MARCHF1: variants seen among roughly 807,000 people sequenced by gnomAD.
MARCHF1 encodes membrane associated ring-CH-type finger 1, also known as E3 ubiquitin-protein ligase MARCHF1.
Under a neutral mutation model 54.2 loss-of-function variants are expected in MARCHF1, and 40 were observed. The ratio of observed to expected loss-of-function variants is 0.74; its 90% confidence interval spans 0.57 to 0.96. The LOEUF is 0.96. Among genes scored for constraint, MARCHF1 ranks in the 40% least tolerant of loss-of-function variants. The pLI is 0.00. For synonymous variants in MARCHF1, 236 were observed against 236.3 expected, an observed-to-expected ratio of 1.00 and a Z score of 0.01; for missense variants, 586 against 656.5, an observed-to-expected ratio of 0.89 and a Z score of 1.17.
chr4:163,921,974 G>A (rs1266973081), intron 3 of MARCHF1, among the ~76,000 whole-genome samples: 1 of 152,030 alleles, frequency 6.6e-6, no homozygotes, highest in African/African-American at 2.4e-5. Context: ...CAACCCAAAT[G>A]TCCAACAATG....
chr4:163,558,581 G>GC (rs1299549488), intron 8 of MARCHF1, among the ~76,000 whole-genome samples: 1 of 152,212 alleles, frequency 6.6e-6, no homozygotes, highest in Non-Finnish European at 1.5e-5. Context: ...CTGAGGGACA[G>GC]CCCGTATAGA....
chr4:163,601,220 T>C (rs1287594765), intron 7 of MARCHF1, among the ~76,000 whole-genome samples: 1 of 152,320 alleles, frequency 6.6e-6, no homozygotes, highest in East Asian at 1.9e-4. Context: ...ATCTTCAAGC[T>C]ATATATAAAT....
intron 7 of MARCHF1, among the ~76,000 whole-genome samples, chr4:163,596,085 T>C (rs1217045699): frequency 6.6e-6 from 1 of 151,858 alleles, no homozygotes; most frequent in Non-Finnish European, 1.5e-5. Flanking sequence ...AGTGTGAGAA[T>C]GAAATGGAAA....
intron 4 of MARCHF1, among the ~76,000 whole-genome samples, chr4:163,818,122 A>T (rs1031270308): frequency 2.6e-5 from 4 of 152,046 alleles, no homozygotes; most frequent in Non-Finnish European, 4.4e-5. Context: ...AAAAAAAAGA[A>T]AGCCACTTAG....
At chr4:164,252,837 G>C (rs968629293) in intron 1 of MARCHF1, among the ~76,000 whole-genome samples, 5 of 152,134 alleles carry the variant, frequency 3.3e-5, no homozygotes, top group Admixed American at 1.3e-4. Flanking sequence ...GCAGTGGACA[G>C]TGATGAGGAA....
intron 1 of MARCHF1, among the ~76,000 whole-genome samples, chr4:164,328,186 A>G (rs1222237110): frequency 1.3e-5 from 2 of 152,214 alleles, no homozygotes; most frequent in Non-Finnish European, 2.9e-5. Flanking sequence ...ATATTTTCTC[A>G]TATCTAAATA....
At chr4:163,530,325 A>G (rs1738303202) in intron 9 of MARCHF1, 1 of 152,038 alleles carries the variant, frequency 6.6e-6, no homozygotes, top group South Asian at 2.1e-4. Flanking sequence ...TCATGTTGCA[A>G]GATCTTTCTG....
chr4:163,592,150 A>T (rs560846048), intron 7 of MARCHF1, among the ~76,000 whole-genome samples: 1 of 152,300 alleles, frequency 6.6e-6, no homozygotes, highest in East Asian at 1.9e-4. Flanking sequence ...TACAATCATG[A>T]CATAAGAATA....
chr4:163,628,808 G>A (rs1240655143), intron 5 of MARCHF1, among the ~76,000 whole-genome samples: 18 of 151,996 alleles, frequency 1.2e-4, no homozygotes, highest in Admixed American at 3.9e-4. Flanking sequence ...CAATTGCTAC[G>A]AAGAGAAAAA....
intron 1 of MARCHF1, among the ~76,000 whole-genome samples, chr4:164,222,657 A>G (rs944679986): frequency 6.6e-6 from 1 of 151,988 alleles, no homozygotes; most frequent in Admixed American, 6.6e-5. Flanking sequence ...AGAGAGAGAG[A>G]GAGAAAGAGC....
intron 4 of MARCHF1, among the ~76,000 whole-genome samples, chr4:163,733,207 A>ATACACGTG (rs1745914834): frequency 5.2e-5 from 1 of 19,226 alleles, no homozygotes; most frequent in Admixed American, 7.3e-4. Context: ...ATATATATAT[A>ATACACGTG]TATATATATA....
At chr4:164,263,606 C>A (rs1425921904) in intron 1 of MARCHF1, among the ~76,000 whole-genome samples, 1 of 139,732 alleles carries the variant, frequency 7.2e-6, no homozygotes, top group Non-Finnish European at 1.7e-5. Flanking sequence ...TGAGGCAGCT[C>A]AACTTAATAA....
chr4:163,727,520 T>C (rs1745697678), intron 4 of MARCHF1, among the ~76,000 whole-genome samples: 1 of 152,138 alleles, frequency 6.6e-6, no homozygotes, highest in African/African-American at 2.4e-5. Context: ...TCAGCCAGGA[T>C]GGTCTTGATC....
intron 8 of MARCHF1, among the ~76,000 whole-genome samples, chr4:163,546,909 T>C (rs780630625): frequency 6.6e-6 from 1 of 152,240 alleles, no homozygotes; most frequent in Non-Finnish European, 1.5e-5. Context: ...TTCATTATTA[T>C]GTTAGGAATT....
At chr4:163,578,993 C>T (rs1280560896) in intron 8 of MARCHF1, among the ~76,000 whole-genome samples, 2 of 152,170 alleles carry the variant, frequency 1.3e-5, no homozygotes, top group Non-Finnish European at 2.9e-5. Flanking sequence ...CGGATGGATG[C>T]TTCCCAAAAG....
At chr4:163,883,270 A>AT (rs1750458808) in intron 3 of MARCHF1, among the ~76,000 whole-genome samples, 1 of 151,622 alleles carries the variant, frequency 6.6e-6, no homozygotes, top group Middle Eastern at 3.5e-3. Context: ...AGAGAGAGAG[A>AT]GAGAGAGAGA....
chr4:163,866,957 A>G (rs917905218), intron 3 of MARCHF1, among the ~76,000 whole-genome samples: 2 of 151,882 alleles, frequency 1.3e-5, no homozygotes, highest in Non-Finnish European at 2.9e-5. Context: ...CCAGCCAGGG[A>G]AGCTCACCTG....
At chr4:163,914,361 C>A (rs779524755) in intron 3 of MARCHF1, among the ~76,000 whole-genome samples, 3 of 152,126 alleles carry the variant, frequency 2.0e-5, no homozygotes, top group African/African-American at 7.2e-5. Flanking sequence ...GTGAAATTGT[C>A]GAGCTTCATT....
At chr4:164,278,977 T>C (rs529006955) in intron 1 of MARCHF1, among the ~76,000 whole-genome samples, 9 of 152,106 alleles carry the variant, frequency 5.9e-5, no homozygotes, top group Non-Finnish European at 8.8e-5. Flanking sequence ...CAGCTGATAA[T>C]TTATTAGTTA....
Sources: gnomAD v4.1 joint callset for allele counts (sites outside exome capture counted in the v4.1 genomes callset) on GRCh38, gnomAD v4.1.1 for gene constraint, MANE v1.5 for transcripts, NCBI Gene and HGNC (gene_info 2026-07-23, HGNC 2026-07-21) for gene names.